Variants in TEKT5 observed in about 807,000 individuals in gnomAD.
TEKT5 encodes tektin-5.
A neutral mutation model predicts 48.7 loss-of-function variants in TEKT5; 52 were observed. That is an observed-to-expected ratio of 1.07 (90% CI 0.86 to 1.35). The LOEUF is 1.35. Among genes scored for constraint, TEKT5 ranks in the 40% most tolerant of loss-of-function variants. The pLI, the probability that TEKT5 is intolerant of heterozygous loss-of-function variation, is 0.00. For missense variants in TEKT5, 831 were observed against 641.6 expected (o/e 1.30, Z -3.19); for synonymous variants, 318 against 267.6 (o/e 1.19, Z -1.84).
At chr16:10,641,727 C>T (rs1897996765) in intron 5 of TEKT5, among the ~76,000 whole-genome samples, 1 of 152,172 alleles carries the variant, frequency 6.6e-6, no homozygotes, top group Non-Finnish European at 1.5e-5. Flanking sequence ...GAGGCTGAGG[C>T]AGGAGCATCA....
At chr16:10,652,044 T>C (rs1164417784) in intron 5 of TEKT5, among the ~76,000 whole-genome samples, 1 of 152,168 alleles carries the variant, frequency 6.6e-6, no homozygotes, top group Non-Finnish European at 1.5e-5. Flanking sequence ...CTGGGGGGCC[T>C]TGGGCCAATG....
chr16:10,690,468 C>T (rs1898949784), intron 1 of TEKT5: 2 of 724,238 alleles, frequency 2.8e-6, no homozygotes, highest in South Asian at 1.2e-4. Context: ...GGGCAAACTG[C>T]TTAACCTCTC....
chr16:10,666,025 C>A (rs1293452805), intron 5 of TEKT5, among the ~76,000 whole-genome samples: 1 of 152,106 alleles, frequency 6.6e-6, no homozygotes, highest in African/African-American at 2.4e-5. Context: ...GGCTGGTGGA[C>A]CTCGGAGTTT....
rs371951535 is a variant in TEKT5 at position 10,650,855 on chromosome 16, A to G, written c.1087-14937T>C. ...AGCAGAGATTGTGGCATTGCATTTCAGCCTGGGTGACAGAGTAAGACTCCA... is the reference window on the plus strand; with the variant it reads ...AGCAGAGATTGTGGCATTGCATTTCGGCCTGGGTGACAGAGTAAGACTCCA... On this transcript the variant is annotated intron_variant, in intron 5 of 6. Transcript: ENST00000283025. Among the ~76,000 whole-genome samples, 19 of 150,782 alleles carry G rather than the reference A, an allele frequency of 1.3e-4. No homozygotes were observed. The South Asian group carries it at 1.9e-3, about 15-fold the overall frequency.
rs147720864 is a variant in TEKT5 at position 10,682,123 on chromosome 16, C to T, written c.733G>A (p.Ala245Thr). 6.2e-7 allele frequency: 1 copy of T among 1,613,990 alleles called. No homozygotes were observed. The highest frequency in any genetic ancestry group is 8.5e-7 in the Non-Finnish European group (1 of 1,179,992). ...IDIQMRDNRD[A>T]QHVLERDLED... Reference sequence around the variant, plus strand: ...AGGTCCCTCTCCAGCACGTGCTGAGCATCCCGGTTATCCCTGCAGGGAGGG... The same window carrying T: ...AGGTCCCTCTCCAGCACGTGCTGAGTATCCCGGTTATCCCTGCAGGGAGGG... The change falls in exon 4 of 7, where the codon GCT becomes ACT. Residue 245 changes from alanine to threonine, a missense_variant. Physicochemically the swap from Ala to Thr is moderately conservative, Grantham distance 58. Transcript: ENST00000283025.
At chr16:10,659,448 C>T (rs1023504382) in intron 5 of TEKT5, among the ~76,000 whole-genome samples, 23 of 152,250 alleles carry the variant, frequency 1.5e-4, no homozygotes, top group Admixed American at 6.5e-4. Context: ...GGTGCAATCT[C>T]GGCTCACTGC....
chr16:10,667,781 T>C (rs1183790666), intron 5 of TEKT5, among the ~76,000 whole-genome samples: 3 of 152,228 alleles, frequency 2.0e-5, no homozygotes, highest in Non-Finnish European at 2.9e-5. Context: ...GTATTTGAAA[T>C]GAAATCTTTA....
intron 5 of TEKT5, among the ~76,000 whole-genome samples, chr16:10,647,992 C>T (rs2719760): frequency 0.1 from 15,202 of 152,270 alleles, 877 homozygotes; most frequent in African/African-American, 0.17. Context: ...TGAGCACATA[C>T]GAGTACTGGC....
chr16:10,687,097 G>A (rs2142313214), intron 3 of TEKT5, among the ~76,000 whole-genome samples: 2 of 152,294 alleles, frequency 1.3e-5, no homozygotes, highest in South Asian at 4.1e-4. Context: ...GGGTATTGGG[G>A]AGATGGTGGT....
intron 5 of TEKT5, among the ~76,000 whole-genome samples, chr16:10,650,072 TTTA>T (rs1336717001): frequency 3.0e-4 from 46 of 151,800 alleles, no homozygotes; most frequent in African/African-American, 1.0e-3. Flanking sequence ...TATTTTTATT[TTTA>T]TTATTATTTT....
chr16:10,686,633 C>T (rs1898866344), intron 3 of TEKT5, among the ~76,000 whole-genome samples: 1 of 152,134 alleles, frequency 6.6e-6, no homozygotes, highest in Non-Finnish European at 1.5e-5. Flanking sequence ...AGCTTCTGCA[C>T]AGCAAACGAA....
At chr16:10,652,561 C>A (rs74464574) in intron 5 of TEKT5, among the ~76,000 whole-genome samples, 19,060 of 74,856 alleles carry the variant, frequency 0.25, 2,882 homozygotes, top group Middle Eastern at 0.42. Flanking sequence ...ACACACACAC[C>A]CCCTCCAGGC....
At chr16:10,690,774 C>T (rs193132325) in intron 1 of TEKT5, 1 of 985,266 alleles carries the variant, frequency 1.0e-6, no homozygotes, top group Admixed American at 6.2e-5. Flanking sequence ...TGATGGGAAG[C>T]TGACAAACAG....
intron 5 of TEKT5, among the ~76,000 whole-genome samples, chr16:10,654,019 T>G (rs1898215888): frequency 6.9e-6 from 1 of 144,736 alleles, no homozygotes; most frequent in Non-Finnish European, 1.5e-5. Context: ...TGTGTGCATG[T>G]GTGTGTGTGT....
intron 5 of TEKT5, among the ~76,000 whole-genome samples, chr16:10,651,109 G>C (rs1401809568): frequency 6.6e-6 from 1 of 152,176 alleles, no homozygotes; most frequent in African/African-American, 2.4e-5. Context: ...CTGAGCAGGA[G>C]GGACAGTTTA....
At chr16:10,637,315 C>A (rs147723312) in intron 5 of TEKT5, among the ~76,000 whole-genome samples, 2,074 of 149,738 alleles carry the variant, frequency 0.014, 55 homozygotes, top group African/African-American at 0.049. Flanking sequence ...GGATTACACG[C>A]ATGAGCCACC....
intron 5 of TEKT5, among the ~76,000 whole-genome samples, chr16:10,641,435 T>A (rs1043159060): frequency 4.6e-5 from 7 of 152,070 alleles, no homozygotes; most frequent in African/African-American, 1.4e-4. Flanking sequence ...AAAATACCAC[T>A]CCTCATCTCC....
chr16:10,690,551 G>T, intron 1 of TEKT5: 2 of 984,104 alleles, frequency 2.0e-6, no homozygotes, highest in Non-Finnish European at 2.4e-6. Flanking sequence ...AGGTGAAGTC[G>T]GCTTGACAAG....
At chr16:10,674,108 C>T (rs13380584) in intron 5 of TEKT5, among the ~76,000 whole-genome samples, 3 of 152,112 alleles carry the variant, frequency 2.0e-5, no homozygotes, top group Non-Finnish European at 4.4e-5. Context: ...CCAGGCCTAC[C>T]CAGACCCACC....
Sources: allele counts gnomAD v4.1 joint callset (sites outside exome capture counted in the v4.1 genomes callset), GRCh38; gene constraint gnomAD v4.1.1; transcripts MANE v1.5; gene names NCBI Gene and HGNC (gene_info 2026-07-23, HGNC 2026-07-21).